Variants in ROBO2 observed in about 807,000 individuals in gnomAD.
ROBO2 encodes the protein roundabout homolog 2.
A neutral mutation model predicts 160.8 loss-of-function variants in ROBO2; 53 were observed. That is an observed-to-expected ratio of 0.33 (90% CI 0.26 to 0.41). The LOEUF (loss-of-function observed/expected upper bound fraction) is 0.41. ROBO2 is among the 10% of genes least tolerant of loss of function. The pLI is 1.00. For missense variants in ROBO2, 1,577 were observed against 1,722.4 expected, an observed-to-expected ratio of 0.92 and a Z score of 1.49; for synonymous variants, 664 against 611.7, an observed-to-expected ratio of 1.09 and a Z score of -1.26.
chr3:76,309,164 G>A (rs574628721), intron 2 of ROBO2, among the ~76,000 whole-genome samples: 96 of 152,196 alleles, frequency 6.3e-4, no homozygotes, highest in Middle Eastern at 3.4e-3. Flanking sequence ...TGGTGGTGAG[G>A]GAGTTGGTCA....
At chr3:76,037,260 CTTT>C (rs5850229) in intron 2 of ROBO2, among the ~76,000 whole-genome samples, 3 of 137,166 alleles carry the variant, frequency 2.2e-5, no homozygotes. Flanking sequence ...TTTCTTTTTT[CTTT>C]TTTTTTTTTT....
chr3:76,272,771 TATATATAAA>T (rs1416362054), intron 2 of ROBO2, among the ~76,000 whole-genome samples: 3 of 34,566 alleles, frequency 8.7e-5, no homozygotes, highest in African/African-American at 3.0e-4. Flanking sequence ...AATATATATT[TATATATAAA>T]ATATATAAAA....
chr3:75,935,449 T>A (rs1947728804), intron 1 of ROBO2, among the ~76,000 whole-genome samples: 1 of 151,822 alleles, frequency 6.6e-6, no homozygotes, highest in Non-Finnish European at 1.5e-5. Flanking sequence ...GGAGTTGGAG[T>A]CTGCAGTGAG....
intron 2 of ROBO2, among the ~76,000 whole-genome samples, chr3:76,742,826 A>T (rs2093824990): frequency 7.0e-6 from 1 of 142,922 alleles, no homozygotes; most frequent in Non-Finnish European, 1.5e-5. Flanking sequence ...ACATATTCAC[A>T]CATACCAAAA....
At chr3:77,229,022 C>G (rs1462789390) in intron 2 of ROBO2, among the ~76,000 whole-genome samples, 5 of 152,124 alleles carry the variant, frequency 3.3e-5, no homozygotes, top group African/African-American at 1.2e-4. Context: ...AGATATCTGC[C>G]AAACCAATGC....
chr3:76,190,840 G>A (rs1391653057), intron 2 of ROBO2, among the ~76,000 whole-genome samples: 3 of 151,946 alleles, frequency 2.0e-5, no homozygotes, highest in Non-Finnish European at 2.9e-5. Context: ...AAATCTTGAC[G>A]TCAAAGAGAG....
chr3:76,840,453 C>G (rs1002165931), intron 2 of ROBO2, among the ~76,000 whole-genome samples: 7 of 149,846 alleles, frequency 4.7e-5, no homozygotes, highest in African/African-American at 1.5e-4. Flanking sequence ...ACTAAAAATA[C>G]AAAAAAAATA....
intron 2 of ROBO2, among the ~76,000 whole-genome samples, chr3:76,161,004 A>T (rs2072610471): frequency 6.6e-6 from 1 of 152,150 alleles, no homozygotes; most frequent in African/African-American, 2.4e-5. Flanking sequence ...AACTAATACC[A>T]ACAGAACGGT....
At chr3:77,304,701 T>A (rs947763189) in intron 2 of ROBO2, among the ~76,000 whole-genome samples, 1 of 152,114 alleles carries the variant, frequency 6.6e-6, no homozygotes, top group Non-Finnish European at 1.5e-5. Context: ...CTTTAATAAG[T>A]GTTTTATGGA....
chr3:77,419,221 T>C (rs1183910591), intron 2 of ROBO2, among the ~76,000 whole-genome samples: 2 of 152,110 alleles, frequency 1.3e-5, no homozygotes, highest in African/African-American at 4.8e-5. Flanking sequence ...AATCATACTT[T>C]GTCAGCTCAC....
At chr3:76,687,511 A>G (rs7432203) in intron 2 of ROBO2, among the ~76,000 whole-genome samples, 78,852 of 151,806 alleles carry the variant, frequency 0.52, 20,989 homozygotes, top group East Asian at 0.77. Context: ...TTTAAAAAAT[A>G]CCAAAGTAGA....
chr3:76,066,614 A>T (rs2068262193), intron 2 of ROBO2, among the ~76,000 whole-genome samples: 1 of 152,010 alleles, frequency 6.6e-6, no homozygotes, highest in Non-Finnish European at 1.5e-5. Context: ...AGAAAGGAAT[A>T]GAGAAATATG....
intron 2 of ROBO2, among the ~76,000 whole-genome samples, chr3:76,445,717 A>G (rs2077147816): frequency 6.6e-6 from 1 of 152,168 alleles, no homozygotes; most frequent in Admixed American, 6.6e-5. Context: ...CATCCCTGGG[A>G]TGCAAGGCTG....
chr3:76,633,769 A>G (rs1465697744), intron 2 of ROBO2, among the ~76,000 whole-genome samples: 1 of 152,252 alleles, frequency 6.6e-6, no homozygotes, highest in Admixed American at 6.5e-5. Flanking sequence ...TTTATAGATG[A>G]GGAATTAAGG....
chr3:77,269,400 A>G (rs1201644371), intron 2 of ROBO2, among the ~76,000 whole-genome samples: 1 of 152,218 alleles, frequency 6.6e-6, no homozygotes, highest in African/African-American at 2.4e-5. Flanking sequence ...ATTGAATCTC[A>G]ATAATTTAAA....
intron 2 of ROBO2, among the ~76,000 whole-genome samples, chr3:77,437,007 C>T (rs989192052): frequency 1.3e-5 from 2 of 151,968 alleles, no homozygotes; most frequent in African/African-American, 2.4e-5. Context: ...TCTACTTTTG[C>T]ATTTCTTCTG....
At chr3:76,804,117 T>A (rs1413517949) in intron 2 of ROBO2, among the ~76,000 whole-genome samples, 1 of 152,146 alleles carries the variant, frequency 6.6e-6, no homozygotes, top group Non-Finnish European at 1.5e-5. Flanking sequence ...AGAGTGATGG[T>A]CACATTCTCT....
At chr3:75,954,246 A>G (rs1314706942) in intron 2 of ROBO2, among the ~76,000 whole-genome samples, 1 of 151,722 alleles carries the variant, frequency 6.6e-6, no homozygotes, top group African/African-American at 2.4e-5. Flanking sequence ...TTTATTCCTC[A>G]GGCGTCTCCA....
At chr3:77,447,968 G>A (rs1002117010) in intron 2 of ROBO2, among the ~76,000 whole-genome samples, 2 of 152,066 alleles carry the variant, frequency 1.3e-5, no homozygotes, top group African/African-American at 2.4e-5. Context: ...ATAAAGTGTC[G>A]CAGTAAATTT....
Sources: gnomAD v4.1 joint callset for allele counts (sites outside exome capture counted in the v4.1 genomes callset) on GRCh38, gnomAD v4.1.1 for gene constraint, MANE v1.5 for transcripts, NCBI Gene and HGNC (gene_info 2026-07-23, HGNC 2026-07-21) for gene names.